The following PLCB4 variants were observed in gnomAD, a reference collection of about 807,000 sequenced individuals.
PLCB4 encodes phospholipase C beta 4.
Under a neutral mutation model 178.8 loss-of-function variants are expected in PLCB4, and 77 were observed. The observed-to-expected ratio is 0.43, with a 90% confidence interval of 0.36 to 0.52. The LOEUF (loss-of-function observed/expected upper bound fraction) is 0.52, where lower values mean the gene tolerates loss of function less well. PLCB4 is among the 20% of genes least tolerant of loss of function. PLCB4 has a pLI of 0.00. For synonymous variants in PLCB4, 496 were observed against 490.8 expected, an observed-to-expected ratio of 1.01 and a Z score of -0.14; for missense variants, 1,024 against 1,453.4, an observed-to-expected ratio of 0.70 and a Z score of 4.80.
rs919291073 is a variant in PLCB4, at chr20:9,479,725, A to T, written c.*716A>T. On this transcript the variant is annotated 3_prime_UTR_variant, in exon 40 of 40. Coordinates refer to ENST00000378473, the MANE Select transcript of PLCB4 (RefSeq NM_001377142.1). ...TTCCGGATATTATAATTCACACCATAAAGATTGTGAAGTGGTTATTGGCAA... is the reference window on the plus strand; with the variant it reads ...TTCCGGATATTATAATTCACACCATTAAGATTGTGAAGTGGTTATTGGCAA... The T allele has an allele frequency of 2.0e-5, 3 of 152,680 alleles. No homozygotes were observed. Among genetic ancestry groups the T allele is most frequent in the African/African-American group, 7.2e-5 (3 of 41,470 alleles). 9.5% of individuals were successfully genotyped at this position (152,680 alleles called of 1,614,324 possible). A position where few individuals can be genotyped will look rare whatever the true frequency, so the allele number is the denominator to read the frequency against.
At chr20:9,117,169 T>C (rs2146725308) in intron 2 of PLCB4, among the ~76,000 whole-genome samples, 1 of 152,318 alleles carries the variant, frequency 6.6e-6, no homozygotes, top group East Asian at 1.9e-4. Context: ...TAATACTTCA[T>C]TCATCATTTA....
At chr20:9,118,894 G>A (rs1461967448) in intron 2 of PLCB4, among the ~76,000 whole-genome samples, 4 of 152,174 alleles carry the variant, frequency 2.6e-5, no homozygotes, top group Non-Finnish European at 5.9e-5. Flanking sequence ...TCAGTTAACT[G>A]TCACCTTTAT....
At chr20:9,139,712 AT>A (rs11482542) in intron 2 of PLCB4, among the ~76,000 whole-genome samples, 6 of 149,286 alleles carry the variant, frequency 4.0e-5, no homozygotes, top group Admixed American at 6.7e-5. Context: ...TTAAAACCAC[AT>A]TTTTTTTTTG....
chr20:9,146,051 T>G (rs1302256371), intron 2 of PLCB4, among the ~76,000 whole-genome samples: 1 of 152,152 alleles, frequency 6.6e-6, no homozygotes, highest in African/African-American at 2.4e-5. Flanking sequence ...CTTGCAAATT[T>G]GGAACTCCCA....
chr20:9,287,631 C>T (rs191045303), intron 3 of PLCB4, among the ~76,000 whole-genome samples: 1 of 152,094 alleles, frequency 6.6e-6, no homozygotes, highest in Non-Finnish European at 1.5e-5. Context: ...CATGCCAAAA[C>T]CTTAATAAAC....
At chr20:9,218,628 T>A (rs1195796428) in intron 3 of PLCB4, among the ~76,000 whole-genome samples, 1 of 152,208 alleles carries the variant, frequency 6.6e-6, no homozygotes. Context: ...TACTTCATTA[T>A]CTTCTGGCAG....
intron 3 of PLCB4, among the ~76,000 whole-genome samples, chr20:9,226,256 A>G (rs2093863737): frequency 6.6e-6 from 1 of 152,196 alleles, no homozygotes. Context: ...AAACTGTTGC[A>G]ACAGTTGTGT....
In PLCB4 at chr20:9,344,848, G is replaced by A. The variant is rs570139814; in HGVS notation, c.369+5811G>A. Among the ~76,000 whole-genome samples, 8 of 152,196 alleles carry A rather than the reference G, an allele frequency of 5.3e-5. No individual in the cohort carries two copies. The East Asian group carries it at 5.8e-4, about 11-fold the overall frequency. ...CCTGCTTACCTAAATCCTTCCTGTCGTTACAGTTAGAGAATTTAGCTTTCA... is the reference window on the plus strand; with the variant it reads ...CCTGCTTACCTAAATCCTTCCTGTCATTACAGTTAGAGAATTTAGCTTTCA... On this transcript the variant is annotated intron_variant, in intron 7 of 39. Transcript: ENST00000378473.
chr20:9,298,876 A>G (rs2094671328), intron 3 of PLCB4, among the ~76,000 whole-genome samples: 1 of 151,992 alleles, frequency 6.6e-6, no homozygotes, highest in South Asian at 2.1e-4. Flanking sequence ...CTTTTAATAC[A>G]CTCCAGGAAA....
intron 2 of PLCB4, among the ~76,000 whole-genome samples, chr20:9,149,192 A>G (rs547721557): frequency 6.6e-6 from 1 of 152,092 alleles, no homozygotes; most frequent in Non-Finnish European, 1.5e-5. Flanking sequence ...TGTCTCTTCC[A>G]ATCAGCTCTC....
intron 2 of PLCB4, among the ~76,000 whole-genome samples, chr20:9,134,499 TATC>T: frequency 6.6e-6 from 1 of 152,168 alleles, no homozygotes; most frequent in East Asian, 1.9e-4. Flanking sequence ...TCAGAAGAAA[TATC>T]ATCAAGAAGC....
At chr20:9,409,333 T>TAAA (rs57434661) in intron 24 of PLCB4, 152 bp downstream of exon 24, 325 of 383,944 alleles carry the variant, frequency 8.5e-4, no homozygotes, top group Middle Eastern at 1.4e-3. Context: ...TGGTGAGAAA[T>TAAA]AAAAAAAAAA....
intron 2 of PLCB4, among the ~76,000 whole-genome samples, chr20:9,178,226 C>T (rs1048681390): frequency 2.6e-5 from 4 of 152,132 alleles, no homozygotes; most frequent in African/African-American, 9.7e-5. Flanking sequence ...GAGGCTGAGG[C>T]AGGAGAATTG....
intron 3 of PLCB4, among the ~76,000 whole-genome samples, chr20:9,252,719 T>G (rs2094194096): frequency 6.6e-6 from 1 of 152,184 alleles, no homozygotes; most frequent in African/African-American, 2.4e-5. Context: ...GGAGCTGGGC[T>G]TCATCATCCA....
chr20:9,404,064 G>A (rs562756732), intron 20 of PLCB4, among the ~76,000 whole-genome samples: 1 of 152,318 alleles, frequency 6.6e-6, no homozygotes, highest in South Asian at 2.1e-4. Flanking sequence ...CACCTGAGGA[G>A]TCAAGGGAGT....
rs1008757792 is a variant in PLCB4 at position 9,479,101 on chromosome 20, G to A, written c.*92G>A. 47 of 852,122 alleles carry A rather than the reference G, an allele frequency of 5.5e-5. No individual in the cohort carries two copies. Among genetic ancestry groups the A allele is most frequent in the Non-Finnish European group, 8.8e-5 (45 of 512,226 alleles). The allele number at this position is 852,122 out of a possible 1,614,324, so 52.8% of individuals were successfully genotyped here. A position where few individuals can be genotyped will look rare whatever the true frequency, so the allele number is the denominator to read the frequency against. On this transcript the variant is annotated 3_prime_UTR_variant, in exon 40 of 40. Transcript: ENST00000378473. ...AAGCTGTTTATTTTGTTTCCTTTAT[G>A]TGTAAACAAGATGATATCTGAAACC...
intron 1 of PLCB4, among the ~76,000 whole-genome samples, chr20:9,095,790 G>A (rs199968431): frequency 6.6e-6 from 1 of 151,806 alleles, no homozygotes; most frequent in Non-Finnish European, 1.5e-5. Context: ...TTATTGGCTT[G>A]GACAATAAAA....
chr20:9,344,607 C>T (rs1407860092), intron 7 of PLCB4, among the ~76,000 whole-genome samples: 1 of 152,176 alleles, frequency 6.6e-6, no homozygotes, highest in African/African-American at 2.4e-5. Flanking sequence ...TTGTACAGTT[C>T]AGTTGTTAGA....
At chr20:9,349,867 T>C (rs1247990269) in intron 7 of PLCB4, among the ~76,000 whole-genome samples, 1 of 152,220 alleles carries the variant, frequency 6.6e-6, no homozygotes, top group Admixed American at 6.5e-5. Context: ...AAAATTGCCA[T>C]TGGAAACATA....
Sources: allele counts gnomAD v4.1 joint callset (sites outside exome capture counted in the v4.1 genomes callset), GRCh38; gene constraint gnomAD v4.1.1; transcripts MANE v1.5; gene names NCBI Gene and HGNC (gene_info 2026-07-23, HGNC 2026-07-21).